The following RBFOX1 variants were observed in gnomAD, a reference collection of about 807,000 sequenced individuals.
RBFOX1 encodes RNA binding fox-1 homolog 1.
A neutral mutation model predicts 57.7 loss-of-function variants in RBFOX1; 8 were observed. The observed-to-expected ratio is 0.14, with a 90% CI of 0.08 to 0.25. RBFOX1 has a LOEUF of 0.25. Ranked by LOEUF, RBFOX1 falls within the 10% of genes least tolerant of loss-of-function variation. RBFOX1 has a pLI of 1.00. For missense variants in RBFOX1, 611 were observed against 548.5 expected, an observed-to-expected ratio of 1.11 and a Z score of -1.14; for synonymous variants, 326 against 222.4, an observed-to-expected ratio of 1.47 and a Z score of -4.15.
intron 4 of RBFOX1, among the ~76,000 whole-genome samples, chr16:7,217,392 G>A (rs527385340): frequency 7.0e-6 from 1 of 142,310 alleles, no homozygotes; most frequent in South Asian, 2.2e-4. Context: ...GCCTCCCAAA[G>A]TGCTGGGATT....
chr16:5,704,313 C>T (rs1202084117), intron 3 of RBFOX1, among the ~76,000 whole-genome samples: 2 of 152,078 alleles, frequency 1.3e-5, no homozygotes, highest in Non-Finnish European at 2.9e-5. Context: ...CCTAATCCAT[C>T]ACTAGAAGGT....
At chr16:7,122,432 G>A (rs933390826) in intron 4 of RBFOX1, among the ~76,000 whole-genome samples, 3 of 151,788 alleles carry the variant, frequency 2.0e-5, no homozygotes, top group Non-Finnish European at 4.4e-5. Context: ...TATTCATCAG[G>A]CAAAAACCTA....
intron 4 of RBFOX1, among the ~76,000 whole-genome samples, chr16:7,198,600 A>G (rs550933148): frequency 1.3e-5 from 2 of 152,290 alleles, no homozygotes; most frequent in African/African-American, 4.8e-5. Flanking sequence ...GTCCAAGAGC[A>G]TGACACTGCA....
chr16:6,750,169 G>A (rs1160464562), intron 3 of RBFOX1, among the ~76,000 whole-genome samples: 1 of 152,170 alleles, frequency 6.6e-6, no homozygotes, highest in African/African-American at 2.4e-5. Context: ...GAGCAAAATG[G>A]GATGCAGGAG....
intron 4 of RBFOX1, among the ~76,000 whole-genome samples, chr16:7,329,764 T>G (rs1481502411): frequency 6.6e-6 from 1 of 152,164 alleles, no homozygotes; most frequent in African/African-American, 2.4e-5. Context: ...AAGATATTTG[T>G]AACTCAAGAA....
At chr16:5,668,820 T>C (rs1181747591) in intron 3 of RBFOX1, among the ~76,000 whole-genome samples, 2 of 152,126 alleles carry the variant, frequency 1.3e-5, no homozygotes, top group African/African-American at 4.8e-5. Flanking sequence ...TGGTCTGAAG[T>C]TGCTGGAGAG....
intron 3 of RBFOX1, among the ~76,000 whole-genome samples, chr16:6,957,333 A>G (rs1036544579): frequency 1.3e-5 from 2 of 151,854 alleles, no homozygotes; most frequent in Non-Finnish European, 1.5e-5. Flanking sequence ...GGGTTTCACC[A>G]TGTTAGCCAG....
At chr16:7,100,368 C>A (rs541182941) in intron 4 of RBFOX1, among the ~76,000 whole-genome samples, 2 of 152,114 alleles carry the variant, frequency 1.3e-5, no homozygotes, top group East Asian at 3.9e-4. Context: ...AATCTGACTC[C>A]CCCCAGCCTA....
intron 3 of RBFOX1, among the ~76,000 whole-genome samples, chr16:6,696,097 G>A (rs750476022): frequency 6.6e-5 from 10 of 152,124 alleles, no homozygotes; most frequent in Non-Finnish European, 1.3e-4. Context: ...TAAATTACAG[G>A]TAGAATACAC....
chr16:6,961,055 A>G (rs1216471339), intron 3 of RBFOX1, among the ~76,000 whole-genome samples: 2 of 151,694 alleles, frequency 1.3e-5, no homozygotes, highest in Non-Finnish European at 2.9e-5. Context: ...AGGCAGGAGA[A>G]TCACTTGAAT....
intron 14 of RBFOX1, among the ~76,000 whole-genome samples, chr16:7,697,364 T>A (rs995385748): frequency 6.6e-6 from 1 of 152,212 alleles, no homozygotes; most frequent in Non-Finnish European, 1.5e-5. Context: ...GTTAATTCCA[T>A]GGAGCACCAA....
At chr16:6,015,423 T>A (rs189923368), upstream of RBFOX1, among the ~76,000 whole-genome samples, 17,250 of 152,050 alleles carry the variant, frequency 0.11, 2,208 homozygotes, top group African/African-American at 0.32. Context: ...GAAATCATTA[T>A]GGTAATGGTG....
At chr16:6,451,180 C>G (rs944581110) in intron 2 of RBFOX1, among the ~76,000 whole-genome samples, 1 of 151,704 alleles carries the variant, frequency 6.6e-6, no homozygotes. Context: ...TAAAACTCTA[C>G]CTATTATTCT....
At chr16:6,925,458 T>TTATTTATTTATA (rs1299761286) in intron 3 of RBFOX1, among the ~76,000 whole-genome samples, 6 of 148,978 alleles carry the variant, frequency 4.0e-5, no homozygotes, top group African/African-American at 1.5e-4. Context: ...GACTCCACAT[T>TTATTTATTTATA]TATTTATTTA....
At chr16:6,398,798 G>A (rs932814242) in intron 2 of RBFOX1, among the ~76,000 whole-genome samples, 8 of 152,134 alleles carry the variant, frequency 5.3e-5, no homozygotes, top group Admixed American at 2.6e-4. Context: ...CCAGGCTGTC[G>A]CTAGATCTAC....
rs117118485 is a variant in RBFOX1, at chr16:5,924,111, C to T, written c.351+56776C>T. 8.1e-3 allele frequency among the ~76,000 whole-genome samples: 1,228 copies of T among 152,232 alleles called. 16 individuals are homozygous for T. Among genetic ancestry groups the T allele is most frequent in the Non-Finnish European group, 0.01 (697 of 68,004 alleles). Reference sequence around the variant, plus strand: ...GCATCTGGTAGTTCCCCTCCTTGCACTCATCCCGTCCTGCTACCCCATGAA... The same window carrying T: ...GCATCTGGTAGTTCCCCTCCTTGCATTCATCCCGTCCTGCTACCCCATGAA... On this transcript the variant is annotated intron_variant, in intron 4 of 19. Coordinates refer to the RBFOX1 transcript ENST00000641259.
chr16:5,552,669 T>C (rs993546190), intron 2 of RBFOX1, among the ~76,000 whole-genome samples: 1 of 152,172 alleles, frequency 6.6e-6, no homozygotes, highest in Non-Finnish European at 1.5e-5. Context: ...CCGACTCACA[T>C]TGAGAAACTC....
intron 4 of RBFOX1, among the ~76,000 whole-genome samples, chr16:7,147,777 C>T (rs2075315548): frequency 6.6e-6 from 1 of 152,134 alleles, no homozygotes; most frequent in Admixed American, 6.5e-5. Context: ...CTGCAGTGAA[C>T]ATGTGAGTGC....
intron 2 of RBFOX1, among the ~76,000 whole-genome samples, chr16:6,543,310 C>G (rs891776555): frequency 6.6e-6 from 1 of 152,052 alleles, no homozygotes; most frequent in African/African-American, 2.4e-5. Context: ...CTCCTTGAGA[C>G]TCTTTACTGC....
Sources: gnomAD v4.1 joint callset for allele counts (sites outside exome capture counted in the v4.1 genomes callset) on GRCh38, gnomAD v4.1.1 for gene constraint, MANE v1.5 for transcripts, NCBI Gene and HGNC (gene_info 2026-07-23, HGNC 2026-07-21) for gene names.